TENM2: variants seen among roughly 807,000 people sequenced by gnomAD.
TENM2 encodes the protein teneurin-2.
Under a neutral mutation model 245.2 loss-of-function variants are expected in TENM2, and 52 were observed. The ratio of observed to expected loss-of-function variants is 0.21; its 90% CI spans 0.17 to 0.27. The LOEUF is 0.27. TENM2 is among the 10% of genes least tolerant of loss of function. The pLI, the probability that TENM2 is intolerant of heterozygous loss-of-function variation, is 1.00. For synonymous variants in TENM2, 1,363 were observed against 1,438.9 expected, an observed-to-expected ratio of 0.95 and a Z score of 1.19; for missense variants, 3,046 against 3,666.8, an observed-to-expected ratio of 0.83 and a Z score of 4.37.
At chr5:168,041,215 A>T in intron 5 of TENM2, among the ~76,000 whole-genome samples, 1 of 152,206 alleles carries the variant, frequency 6.6e-6, no homozygotes, top group East Asian at 1.9e-4. Context: ...TTTCCCACTT[A>T]CTGGCTGAAT....
At chr5:167,157,611 A>G in the TENM2 span, among the ~76,000 whole-genome samples, 2 of 152,176 alleles carry the variant, frequency 1.3e-5, no homozygotes, top group Non-Finnish European at 2.9e-5. Flanking sequence ...AGATATTTTT[A>G]TATCTATGTG....
At chr5:167,375,099 G>A in intron 1 of TENM2, 99 bp from the exon 4 acceptor site, 3 of 1,245,038 alleles carry the variant, frequency 2.4e-6, no homozygotes, top group Non-Finnish European at 3.4e-6. Context: ...TGATGTATCT[G>A]TCAGATGGGA....
At chr5:167,128,175 TG>T in the TENM2 span, among the ~76,000 whole-genome samples, 1 of 152,098 alleles carries the variant, frequency 6.6e-6, no homozygotes, top group Non-Finnish European at 1.5e-5. Context: ...GTGAATGAAA[TG>T]ATCTAGGTAA....
intron 12 of TENM2, among the ~76,000 whole-genome samples, chr5:168,161,236 T>G (rs1757715938): frequency 6.6e-6 from 1 of 152,152 alleles, no homozygotes; most frequent in African/African-American, 2.4e-5. Context: ...TTTTATCCTC[T>G]GCCATGGCCC....
intron 2 of TENM2, among the ~76,000 whole-genome samples, chr5:167,542,426 C>T (rs563626044): frequency 4.6e-5 from 7 of 152,232 alleles, no homozygotes; most frequent in South Asian, 4.2e-4. Flanking sequence ...ATAAGAATCA[C>T]CATGAATGGG....
intron 3 of TENM2, among the ~76,000 whole-genome samples, chr5:167,948,542 T>C (rs1779824680): frequency 6.6e-6 from 1 of 152,300 alleles, no homozygotes; most frequent in South Asian, 2.1e-4. Context: ...CAGTTCCTTC[T>C]TCCTAGGACT....
At chr5:167,873,837 A>G (rs1773188492) in intron 2 of TENM2, among the ~76,000 whole-genome samples, 1 of 152,184 alleles carries the variant, frequency 6.6e-6, no homozygotes, top group South Asian at 2.1e-4. Context: ...CCATGAATGA[A>G]TGGAGTTTTT....
intron 2 of TENM2, among the ~76,000 whole-genome samples, chr5:167,610,239 C>T (rs1223981702): frequency 6.6e-6 from 1 of 152,138 alleles, no homozygotes; most frequent in East Asian, 1.9e-4. Context: ...TCCCCAGAAG[C>T]ACCACCCTCC....
At chr5:168,258,643 C>T (rs1767906598) in intron 27 of TENM2, among the ~76,000 whole-genome samples, 1 of 152,142 alleles carries the variant, frequency 6.6e-6, no homozygotes, top group South Asian at 2.1e-4. Flanking sequence ...ACACAAAAGG[C>T]CATGTATCAT....
intron 5 of TENM2, among the ~76,000 whole-genome samples, chr5:168,005,026 C>T (rs980446206): frequency 2.6e-5 from 4 of 152,164 alleles, no homozygotes; most frequent in African/African-American, 9.7e-5. Context: ...CTCATGAACT[C>T]TGCCATGTCT....
At chr5:167,599,132 T>C (rs553154508) in intron 2 of TENM2, among the ~76,000 whole-genome samples, 3 of 152,346 alleles carry the variant, frequency 2.0e-5, no homozygotes, top group South Asian at 4.1e-4. Context: ...TGCTTTCTTG[T>C]ATCTTTGTGC....
the TENM2 span, among the ~76,000 whole-genome samples, chr5:166,992,936 C>G: frequency 1.3e-5 from 2 of 152,102 alleles, no homozygotes; most frequent in Non-Finnish European, 2.9e-5. Context: ...TATAGAATTT[C>G]AAAAATGACA....
At position 167,876,040 on chromosome 5, in the gene TENM2, C is replaced by T. The variant is rs376220839; in HGVS notation, c.557C>T (p.Pro186Leu). The T allele has an allele frequency of 1.8e-5, 28 of 1,551,468 alleles. No homozygotes were observed. In the African/African-American group the frequency reaches 3.8e-4, roughly 21 times the overall value. Residue 186 changes from proline to leucine, a missense_variant, in exon 3 of 29, where the codon CCT becomes CTT. Pro to Leu is a moderately conservative substitution (Grantham distance 98). This residue lies in a region of TENM2 where 342 missense variants were observed against 335.0 expected (regional missense o/e 1.02). Transcript: ENST00000518659. ...AGTCTCCTCCCATCTGCTCAGCTGCCTAGCTCCCATAATCCTCCACCAGTT... is the reference window on the plus strand; with the variant it reads ...AGTCTCCTCCCATCTGCTCAGCTGCTTAGCTCCCATAATCCTCCACCAGTT...
At chr5:168,079,600 T>C (rs1791797662) in intron 7 of TENM2, among the ~76,000 whole-genome samples, 1 of 152,184 alleles carries the variant, frequency 6.6e-6, no homozygotes, top group South Asian at 2.1e-4. Flanking sequence ...TTGAGATACA[T>C]CCCATCAATA....
At chr5:167,707,165 A>C (rs536543344) in intron 2 of TENM2, among the ~76,000 whole-genome samples, 5 of 152,068 alleles carry the variant, frequency 3.3e-5, no homozygotes, top group African/African-American at 1.2e-4. Context: ...ATGATTAATG[A>C]TGCTGGGCAC....
At chr5:167,853,309 A>AAAAAAAAAAAAAAAAAAAAAAAC (rs1770775013) in intron 2 of TENM2, among the ~76,000 whole-genome samples, 1 of 138,584 alleles carries the variant, frequency 7.2e-6, no homozygotes, top group African/African-American at 2.8e-5. Flanking sequence ...AAAAAAAAAA[A>AAAAAAAAAAAAAAAAAAAAAAAC]AAAGAAAGTG....
the TENM2 span, among the ~76,000 whole-genome samples, chr5:167,147,205 G>T: frequency 6.6e-6 from 1 of 152,178 alleles, no homozygotes; most frequent in East Asian, 1.9e-4. Context: ...ATAACATATT[G>T]TATTTAAATA....
chr5:167,823,986 C>T (rs572258467), intron 2 of TENM2, among the ~76,000 whole-genome samples: 27 of 152,208 alleles, frequency 1.8e-4, no homozygotes, highest in South Asian at 4.2e-4. Flanking sequence ...AAATTCAGAA[C>T]GGTGTGACCC....
intron 3 of TENM2, among the ~76,000 whole-genome samples, chr5:167,930,769 T>A (rs77120609): frequency 0.11 from 16,475 of 148,346 alleles, 1,011 homozygotes; most frequent in African/African-American, 0.17. Context: ...ATTTTTTTTT[T>A]TTAAAAAAGC....
Sources: gnomAD v4.1 joint callset for allele counts (sites outside exome capture counted in the v4.1 genomes callset) on GRCh38, gnomAD v4.1.1 for gene constraint, gnomAD v4.1.1 regional missense constraint, MANE v1.5 for transcripts, NCBI Gene and HGNC (gene_info 2026-07-23, HGNC 2026-07-21) for gene names.